Variants in ACTR3C observed in about 807,000 individuals in gnomAD.
The protein encoded by ACTR3C is actin-related protein 3C.
A neutral mutation model predicts 26.3 loss-of-function variants in ACTR3C; 18 were observed. The ratio of observed to expected loss-of-function variants is 0.68; its 90% CI spans 0.47 to 1.01. The LOEUF is 1.01. Ranked by LOEUF, ACTR3C falls within the 50% of genes least tolerant of loss-of-function variation. ACTR3C has a pLI of 0.00. For synonymous variants in ACTR3C, 55 were observed against 94.5 expected (o/e 0.58, Z 2.42); for missense variants, 184 against 250.7 (o/e 0.73, Z 1.80).
At chr7:150,255,332 GC>G (rs763744938) in intron 6 of ACTR3C, among the ~76,000 whole-genome samples, 30 of 145,374 alleles carry the variant, frequency 2.1e-4, no homozygotes, top group Non-Finnish European at 4.2e-4. Flanking sequence ...CTAGGCAGAT[GC>G]CCAGCATATC....
intron 6 of ACTR3C, among the ~76,000 whole-genome samples, chr7:150,250,386 C>G (rs144192860): frequency 0.063 from 9,547 of 151,376 alleles, 1,123 homozygotes; most frequent in African/African-American, 0.22. Flanking sequence ...TGTATTTTTA[C>G]TAGAGACGGG....
the ACTR3C span, among the ~76,000 whole-genome samples, chr7:150,164,396 G>A: frequency 6.6e-6 from 1 of 152,328 alleles, no homozygotes; most frequent in East Asian, 1.9e-4. Context: ...TGTCCTCAAA[G>A]TAGAGCCAGT....
the ACTR3C span, among the ~76,000 whole-genome samples, chr7:150,034,478 G>GC: frequency 6.6e-6 from 1 of 151,212 alleles, no homozygotes. Flanking sequence ...CCATGTCCCC[G>GC]CCCCCTTTGT....
the ACTR3C span, among the ~76,000 whole-genome samples, chr7:149,929,238 G>A: frequency 1.6e-4 from 24 of 151,716 alleles, no homozygotes; most frequent in African/African-American, 5.3e-4. Flanking sequence ...ACCAGCTTGG[G>A]CAACATGATG....
chr7:150,273,478 C>A (rs1229899021), intron 6 of ACTR3C, among the ~76,000 whole-genome samples: 7 of 151,552 alleles, frequency 4.6e-5, no homozygotes, highest in Non-Finnish European at 2.9e-5. Context: ...CTGTGTTGCC[C>A]AGGCTGGTCT....
the ACTR3C span, among the ~76,000 whole-genome samples, chr7:149,959,415 C>A: frequency 6.6e-6 from 1 of 152,170 alleles, no homozygotes. Context: ...CAACCCCATA[C>A]ATGGTGTATG....
chr7:150,083,924 T>C, the ACTR3C span, among the ~76,000 whole-genome samples: 2 of 152,198 alleles, frequency 1.3e-5, no homozygotes, highest in Non-Finnish European at 2.9e-5. Context: ...GAAAACAGTA[T>C]GAAAGTTCCC....
At chr7:150,161,222 A>ATATATATATATATATATATATATT in the ACTR3C span, among the ~76,000 whole-genome samples, 14 of 120,320 alleles carry the variant, frequency 1.2e-4, no homozygotes, top group South Asian at 2.5e-4. Context: ...ATATATATAT[A>ATATATATATATATATATATATATT]TATTTATTAT....
the ACTR3C span, among the ~76,000 whole-genome samples, chr7:150,167,670 TG>T: frequency 6.6e-6 from 1 of 150,718 alleles, no homozygotes; most frequent in Admixed American, 6.6e-5. Flanking sequence ...TAGAATCTGA[TG>T]ATCACTTCTT....
the ACTR3C span, among the ~76,000 whole-genome samples, chr7:150,055,149 G>C: frequency 6.6e-6 from 1 of 152,188 alleles, no homozygotes; most frequent in Non-Finnish European, 1.5e-5. Flanking sequence ...AGTTGTTTCT[G>C]GACCAACAGT....
At chr7:149,936,416 T>C in the ACTR3C span, among the ~76,000 whole-genome samples, 1 of 152,202 alleles carries the variant, frequency 6.6e-6, no homozygotes, top group Non-Finnish European at 1.5e-5. Flanking sequence ...ATGATAGTTG[T>C]ATACAATGTA....
chr7:150,152,391 A>T, the ACTR3C span, among the ~76,000 whole-genome samples: 1 of 152,104 alleles, frequency 6.6e-6, no homozygotes, highest in African/African-American at 2.4e-5. Flanking sequence ...GCATCTATTG[A>T]GATAATCATG....
At chr7:149,902,703 G>C in the ACTR3C span, among the ~76,000 whole-genome samples, 1 of 89,198 alleles carries the variant, frequency 1.1e-5, no homozygotes, top group African/African-American at 3.0e-5. Context: ...TCAACACTTT[G>C]AGAGACCAAG....
chr7:150,002,380 AG>A, the ACTR3C span: 1 of 152,286 alleles, frequency 6.6e-6, no homozygotes, highest in African/African-American at 2.4e-5. Context: ...ACCAAGTCCC[AG>A]TGACTATATC....
the ACTR3C span, among the ~76,000 whole-genome samples, chr7:150,127,903 T>G: frequency 2.6e-5 from 4 of 151,808 alleles, no homozygotes; most frequent in African/African-American, 9.7e-5. Context: ...CTCCCTCTTT[T>G]TAAATAAATT....
chr7:150,090,957 C>G, the ACTR3C span, among the ~76,000 whole-genome samples: 291 of 152,154 alleles, frequency 1.9e-3, no homozygotes, highest in African/African-American at 6.6e-3. Context: ...TGTGAGGGCT[C>G]AGGGCCCAGC....
At chr7:150,148,055 C>T in the ACTR3C span, among the ~76,000 whole-genome samples, 1 of 144,660 alleles carries the variant, frequency 6.9e-6, no homozygotes, top group Non-Finnish European at 1.5e-5. Flanking sequence ...AGGCTTCATA[C>T]CTGGGTAATA....
At chr7:149,985,821 C>T in the ACTR3C span, among the ~76,000 whole-genome samples, 2 of 152,200 alleles carry the variant, frequency 1.3e-5, no homozygotes, top group Non-Finnish European at 2.9e-5. Context: ...AGCTCGAAGT[C>T]CCCATTCAGA....
the ACTR3C span, among the ~76,000 whole-genome samples, chr7:149,980,053 T>C: frequency 0.15 from 23,078 of 151,808 alleles, 3,468 homozygotes; most frequent in African/African-American, 0.39. Flanking sequence ...CTAAATTCAC[T>C]TTCTGATAAA....
Sources: allele counts gnomAD v4.1 joint callset (sites outside exome capture counted in the v4.1 genomes callset), GRCh38; gene constraint gnomAD v4.1.1; transcripts MANE v1.5; gene names NCBI Gene and HGNC (gene_info 2026-07-23, HGNC 2026-07-21).